ARB2A: variants seen among roughly 807,000 people sequenced by gnomAD.
ARB2A encodes ARB2 cotranscriptional regulator A, also known as cotranscriptional regulator ARB2A.
At chr5:94,108,590 C>T in the ARB2A span, among the ~76,000 whole-genome samples, 1 of 151,644 alleles carries the variant, frequency 6.6e-6, no homozygotes, top group African/African-American at 2.4e-5. Flanking sequence ...AAAATATATA[C>T]CAGTGGTCAA....
chr5:93,938,543 T>C, the ARB2A span, among the ~76,000 whole-genome samples: 1 of 152,214 alleles, frequency 6.6e-6, no homozygotes, highest in Non-Finnish European at 1.5e-5. Flanking sequence ...CACTGCAAAT[T>C]GCCTTGGATA....
the ARB2A span, chr5:93,733,082 C>G: frequency 6.6e-6 from 1 of 151,736 alleles, no homozygotes; most frequent in African/African-American, 2.4e-5. Context: ...TTTACTTAAC[C>G]CTTTGTTAAA....
the ARB2A span, among the ~76,000 whole-genome samples, chr5:93,639,118 A>C: frequency 6.6e-6 from 1 of 152,222 alleles, no homozygotes; most frequent in African/African-American, 2.4e-5. Flanking sequence ...GAACAACGTA[A>C]AACTGGCATC....
At chr5:93,809,593 T>C in the ARB2A span, among the ~76,000 whole-genome samples, 1 of 152,022 alleles carries the variant, frequency 6.6e-6, no homozygotes, top group Non-Finnish European at 1.5e-5. Flanking sequence ...CTATTTTATG[T>C]GGGGAAAGCA....
At chr5:93,683,356 T>C in the ARB2A span, 1 of 1,603,768 alleles carries the variant, frequency 6.2e-7, no homozygotes, top group Non-Finnish European at 8.5e-7. Flanking sequence ...ACTCTGCATC[T>C]TCCTCCACAG....
chr5:93,860,859 G>C, the ARB2A span: 1 of 151,908 alleles, frequency 6.6e-6, no homozygotes, highest in Non-Finnish European at 1.5e-5. Flanking sequence ...TGTTAGCCAG[G>C]ATGGTCTCGA....
chr5:93,824,488 T>A, the ARB2A span, among the ~76,000 whole-genome samples: 63 of 151,782 alleles, frequency 4.2e-4, no homozygotes, highest in African/African-American at 1.5e-3. Context: ...AGATAAAAAT[T>A]AAAAAAAACA....
the ARB2A span, among the ~76,000 whole-genome samples, chr5:93,663,697 A>G: frequency 6.6e-6 from 1 of 152,226 alleles, no homozygotes; most frequent in African/African-American, 2.4e-5. Context: ...AAAGCAAAGG[A>G]AGGAAGATCA....
chr5:93,906,248 T>C, the ARB2A span, among the ~76,000 whole-genome samples: 1 of 151,530 alleles, frequency 6.6e-6, no homozygotes, highest in African/African-American at 2.4e-5. Context: ...GCATTTCTGT[T>C]TCTCCTTCAT....
At chr5:93,804,172 C>A in the ARB2A span, among the ~76,000 whole-genome samples, 1 of 151,872 alleles carries the variant, frequency 6.6e-6, no homozygotes, top group Non-Finnish European at 1.5e-5. Context: ...TTAAAGTGTT[C>A]AAATACAAAT....
chr5:93,946,340 C>G, the ARB2A span, among the ~76,000 whole-genome samples: 1 of 151,824 alleles, frequency 6.6e-6, no homozygotes, highest in African/African-American at 2.4e-5. Flanking sequence ...GAGAGTACTC[C>G]AGAGGAAGAA....
At chr5:93,675,246 G>C in the ARB2A span, among the ~76,000 whole-genome samples, 2 of 152,062 alleles carry the variant, frequency 1.3e-5, no homozygotes, top group Non-Finnish European at 2.9e-5. Context: ...AGTTGTTCAC[G>C]ATCCTACAGC....
At chr5:93,644,156 A>G in the ARB2A span, among the ~76,000 whole-genome samples, 3 of 152,114 alleles carry the variant, frequency 2.0e-5, no homozygotes, top group Non-Finnish European at 4.4e-5. Context: ...CCCAATAAAT[A>G]CTCGTTGAAG....
At chr5:93,968,509 A>C in the ARB2A span, among the ~76,000 whole-genome samples, 7 of 152,254 alleles carry the variant, frequency 4.6e-5, no homozygotes, top group Non-Finnish European at 1.0e-4. Flanking sequence ...GGAAATGCTC[A>C]AAATGTAAAT....
the ARB2A span, among the ~76,000 whole-genome samples, chr5:93,973,695 A>G: frequency 6.6e-6 from 1 of 152,200 alleles, no homozygotes; most frequent in Non-Finnish European, 1.5e-5. Context: ...AAGAAAATCC[A>G]TGAGATTAAC....
the ARB2A span, among the ~76,000 whole-genome samples, chr5:93,756,599 T>C: frequency 6.6e-6 from 1 of 152,106 alleles, no homozygotes; most frequent in Non-Finnish European, 1.5e-5. Context: ...ACTCGCTGGG[T>C]GGTTATACCC....
the ARB2A span, among the ~76,000 whole-genome samples, chr5:93,718,037 G>C: frequency 6.6e-6 from 1 of 151,480 alleles, no homozygotes. Flanking sequence ...GTTTCACCAT[G>C]TTGGTCAGGC....
chr5:93,962,226 T>A, the ARB2A span, among the ~76,000 whole-genome samples: 1 of 152,166 alleles, frequency 6.6e-6, no homozygotes. Flanking sequence ...CACCAAACAA[T>A]TTTAGCAGTC....
At chr5:93,985,471 A>G in the ARB2A span, among the ~76,000 whole-genome samples, 2 of 147,108 alleles carry the variant, frequency 1.4e-5, no homozygotes, top group African/African-American at 5.1e-5. Context: ...GTCTCCCTCT[A>G]TTACCGAGGC....
Sources: allele counts gnomAD v4.1 joint callset (sites outside exome capture counted in the v4.1 genomes callset), GRCh38; gene constraint gnomAD v4.1.1; transcripts MANE v1.5; gene names NCBI Gene and HGNC (gene_info 2026-07-23, HGNC 2026-07-21).